PTPRR: variants seen among roughly 807,000 people sequenced by gnomAD.
PTPRR encodes the protein receptor-type tyrosine-protein phosphatase R.
In PTPRR, 38 loss-of-function variants were observed where a neutral mutation model predicts 77.2. The observed-to-expected ratio is 0.49, with a 90% CI of 0.38 to 0.65. The LOEUF (loss-of-function observed/expected upper bound fraction) is 0.65. Ranked by LOEUF, PTPRR falls within the 30% of genes least tolerant of loss-of-function variation. The pLI is 0.00. For missense variants in PTPRR, 744 were observed against 799.2 expected (o/e 0.93, Z 0.83); for synonymous variants, 299 against 283.1 (o/e 1.06, Z -0.57).
chr12:70,723,984 C>T (rs1220840296), intron 6 of PTPRR, among the ~76,000 whole-genome samples: 2 of 151,820 alleles, frequency 1.3e-5, no homozygotes, highest in Admixed American at 6.6e-5. Flanking sequence ...TAGACAAACA[C>T]ACAAAAAAAG....
intron 2 of PTPRR, among the ~76,000 whole-genome samples, chr12:70,889,594 A>G (rs1298076033): frequency 6.6e-6 from 1 of 152,150 alleles, no homozygotes; most frequent in Non-Finnish European, 1.5e-5. Flanking sequence ...GTGGTGAGCA[A>G]GACAAGAAAT....
At chr12:70,671,966 C>T in intron 10 of PTPRR, 1 of 1,195,212 alleles carries the variant, frequency 8.4e-7, no homozygotes, top group Non-Finnish European at 1.2e-6. Context: ...GCTGCAGGCT[C>T]AGAAGTGGCC....
intron 2 of PTPRR, among the ~76,000 whole-genome samples, chr12:70,790,855 A>AAAAAAC (rs1186422226): frequency 6.6e-6 from 1 of 152,152 alleles, no homozygotes; most frequent in Non-Finnish European, 1.5e-5. Context: ...AACAAGAGAC[A>AAAAAAC]AAAAACAAAA....
intron 10 of PTPRR, among the ~76,000 whole-genome samples, chr12:70,670,202 T>C (rs751897778): frequency 1.2e-4 from 18 of 152,164 alleles, no homozygotes; most frequent in Non-Finnish European, 2.5e-4. Context: ...CTGAGAGCAG[T>C]GTGTTAGGCC....
At chr12:70,710,151 A>G (rs1888771471) in intron 6 of PTPRR, among the ~76,000 whole-genome samples, 2 of 152,172 alleles carry the variant, frequency 1.3e-5, no homozygotes. Flanking sequence ...ACTTCAAACT[A>G]TACTACAGGG....
intron 8 of PTPRR, among the ~76,000 whole-genome samples, chr12:70,691,147 ATCC>A (rs1386135797): frequency 6.6e-6 from 1 of 152,006 alleles, no homozygotes; most frequent in Non-Finnish European, 1.5e-5. Flanking sequence ...CTGCAACTCA[ATCC>A]TCCTCATGTA....
At chr12:70,825,809 A>AAAGTCTTC (rs1484086754) in intron 2 of PTPRR, among the ~76,000 whole-genome samples, 4 of 152,348 alleles carry the variant, frequency 2.6e-5, no homozygotes, top group African/African-American at 9.6e-5. Context: ...TGGTATGAAA[A>AAAGTCTTC]AAGTCTTCAA....
At chr12:70,733,838 A>C (rs894302260) in intron 6 of PTPRR, among the ~76,000 whole-genome samples, 1 of 152,230 alleles carries the variant, frequency 6.6e-6, no homozygotes, top group Admixed American at 6.5e-5. Context: ...GTAACTTGTG[A>C]TTCTTCACTG....
At chr12:70,679,277 T>A (rs571101752) in intron 10 of PTPRR, among the ~76,000 whole-genome samples, 1 of 152,254 alleles carries the variant, frequency 6.6e-6, no homozygotes, top group Non-Finnish European at 1.5e-5. Context: ...TATAACATTG[T>A]GGTCAGAAAA....
intron 1 of PTPRR, among the ~76,000 whole-genome samples, chr12:70,915,200 C>T (rs918838739): frequency 3.3e-5 from 5 of 152,190 alleles, no homozygotes; most frequent in African/African-American, 1.2e-4. Flanking sequence ...TATATAAGTA[C>T]TATAGAAATG....
intron 2 of PTPRR, among the ~76,000 whole-genome samples, chr12:70,817,222 A>G (rs1050623981): frequency 2.0e-5 from 3 of 152,328 alleles, no homozygotes; most frequent in South Asian, 4.1e-4. Context: ...ATGTGTTTTA[A>G]AAGTTTTAAA....
intron 1 of PTPRR, among the ~76,000 whole-genome samples, chr12:70,910,809 T>C (rs1893688492): frequency 6.6e-6 from 1 of 152,164 alleles, no homozygotes; most frequent in African/African-American, 2.4e-5. Context: ...AGGACTCATG[T>C]GAATTGCCCT....
chr12:70,740,521 C>T (rs773917429), intron 6 of PTPRR, among the ~76,000 whole-genome samples: 26 of 152,068 alleles, frequency 1.7e-4, no homozygotes, highest in Admixed American at 8.5e-4. Flanking sequence ...TACAGGCATG[C>T]ACCACCATGC....
At chr12:70,841,709 A>G (rs983803695) in intron 2 of PTPRR, among the ~76,000 whole-genome samples, 6 of 121,138 alleles carry the variant, frequency 5.0e-5, no homozygotes, top group African/African-American at 8.2e-5. Flanking sequence ...ATTTAAGCTG[A>G]ATAAAAGTAA....
chr12:70,728,528 A>AATAAATATAT (rs1889537458), intron 6 of PTPRR, among the ~76,000 whole-genome samples: 1 of 80,152 alleles, frequency 1.2e-5, no homozygotes, highest in African/African-American at 5.4e-5. Flanking sequence ...CCAAAATCTG[A>AATAAATATAT]ATATATATAT....
intron 6 of PTPRR, among the ~76,000 whole-genome samples, chr12:70,727,308 A>G (rs145259926): frequency 6.6e-6 from 1 of 152,242 alleles, no homozygotes; most frequent in African/African-American, 2.4e-5. Flanking sequence ...TTGCTAAACA[A>G]CTATTGCTTT....
intron 10 of PTPRR, among the ~76,000 whole-genome samples, chr12:70,676,065 T>C (rs1276028873): frequency 6.6e-6 from 1 of 151,992 alleles, no homozygotes; most frequent in Non-Finnish European, 1.5e-5. Context: ...TCCCTATCTA[T>C]TATTTCTTCA....
chr12:70,884,362 A>T (rs1479638759), intron 2 of PTPRR, among the ~76,000 whole-genome samples: 2 of 152,158 alleles, frequency 1.3e-5, no homozygotes, highest in Non-Finnish European at 2.9e-5. Flanking sequence ...GGCACTTATG[A>T]TTACAGATAA....
At chr12:70,813,533 G>C (rs774434020) in intron 2 of PTPRR, among the ~76,000 whole-genome samples, 5 of 152,172 alleles carry the variant, frequency 3.3e-5, no homozygotes, top group African/African-American at 4.8e-5. Context: ...TCCACTTGCA[G>C]GTGTCAAAGA....
Sources: gnomAD v4.1 joint callset for allele counts (sites outside exome capture counted in the v4.1 genomes callset) on GRCh38, gnomAD v4.1.1 for gene constraint, MANE v1.5 for transcripts, NCBI Gene and HGNC (gene_info 2026-07-23, HGNC 2026-07-21) for gene names.